CTPS1: variants seen among roughly 807,000 people sequenced by gnomAD.
The protein encoded by CTPS1 is CTP synthase 1, also known as CTP synthetase 1.
A neutral mutation model predicts 80.5 loss-of-function variants in CTPS1; 25 were observed. That is an observed-to-expected ratio of 0.31 (90% CI 0.23 to 0.43). The LOEUF is 0.43. Among genes scored for constraint, CTPS1 ranks in the 20% least tolerant of loss-of-function variants. The pLI, the probability that CTPS1 is intolerant of heterozygous loss-of-function variation, is 1.00. For synonymous variants in CTPS1, 267 were observed against 252.5 expected (o/e 1.06, Z -0.54); for missense variants, 442 against 725.7 (o/e 0.61, Z 4.49).
chr1:40,980,058 C>T (rs1651788851), intron 1 of CTPS1: 1 of 151,124 alleles, frequency 6.6e-6, no homozygotes, highest in Non-Finnish European at 1.5e-5. Flanking sequence ...GCCTCGTGGC[C>T]GGGCGGCGCT....
At chr1:40,993,211 G>T (rs964823931) in intron 7 of CTPS1, among the ~76,000 whole-genome samples, 1 of 151,298 alleles carries the variant, frequency 6.6e-6, no homozygotes, top group East Asian at 2.0e-4. Context: ...CCACGATGCC[G>T]AGCTAATTTT....
At chr1:41,003,029 A>C (rs1450443471) in intron 11 of CTPS1, 85 bp from the exon 12 acceptor site, 1 of 1,324,826 alleles carries the variant, frequency 7.5e-7, no homozygotes, top group Non-Finnish European at 1.1e-6. Context: ...AATAAAGGAC[A>C]CAAAGGCCAT....
chr1:41,010,264 A>G lies in CTPS1; in HGVS notation c.*9+10A>G, dbSNP rs771156684. The G allele has an allele frequency of 6.3e-7, 1 of 1,582,310 alleles. No homozygotes were observed. Among genetic ancestry groups the G allele is most frequent in the East Asian group, 2.2e-5 (1 of 44,692 alleles). Reference sequence around the variant, plus strand: ...TGACTGATCTTGTAGCGTAAGTGGTACTTTAAAGTTTTAGTTTTTAAAAAC... The same window carrying G: ...TGACTGATCTTGTAGCGTAAGTGGTGCTTTAAAGTTTTAGTTTTTAAAAAC... On this transcript the variant is annotated intron_variant, in intron 18 of 18. Coordinates refer to ENST00000650070, the MANE Select transcript of CTPS1 (RefSeq NM_001905.4).
At chr1:40,985,244 C>G (rs1318107424) in intron 3 of CTPS1, among the ~76,000 whole-genome samples, 2 of 152,222 alleles carry the variant, frequency 1.3e-5, no homozygotes, top group African/African-American at 2.4e-5. Flanking sequence ...TCTGCTAAGG[C>G]AGCATGATAC....
At chr1:41,008,295 T>C (rs1643085217) in intron 14 of CTPS1, among the ~76,000 whole-genome samples, 2 of 152,088 alleles carry the variant, frequency 1.3e-5, no homozygotes. Flanking sequence ...TCTGTGCAGC[T>C]CTTAAAATGC....
chr1:40,985,997 C>G (rs1642441341), intron 3 of CTPS1, among the ~76,000 whole-genome samples: 2 of 152,236 alleles, frequency 1.3e-5, no homozygotes, highest in Non-Finnish European at 2.9e-5. Context: ...TTACAGTTTG[C>G]TGTTTATTTA....
intron 3 of CTPS1, among the ~76,000 whole-genome samples, chr1:40,985,476 C>G (rs929737023): frequency 6.6e-6 from 1 of 152,222 alleles, no homozygotes; most frequent in South Asian, 2.1e-4. Context: ...TGGGTCCTCC[C>G]AAGCTTTCAC....
At position 41,007,302 on chromosome 1, in the gene CTPS1, A is replaced by C; in HGVS notation, c.1297-147A>C. ...AGGTTACAAATGCCAACTGGGAGGC[A>C]TTTTCTTCTGTGACAAAATGTCTCA... is the stretch of plus-strand genomic sequence containing the variant. On this transcript the variant is annotated intron_variant, in intron 13 of 18. Transcript: ENST00000650070. This position sits in a 1 kb window ranked among gnomAD's most constrained non-coding sequence, Gnocchi z 4.4. 1.5e-6 allele frequency: 1 copy of C among 689,536 alleles called. No individual in the cohort carries two copies. Among genetic ancestry groups the C allele is most frequent in the East Asian group, 2.7e-5 (1 of 36,366 alleles). 42.7% of individuals were successfully genotyped at this position (689,536 alleles called of 1,614,324 possible). A position where few individuals can be genotyped will look rare whatever the true frequency, so the allele number is the denominator to read the frequency against.
intron 7 of CTPS1, among the ~76,000 whole-genome samples, chr1:40,994,711 C>T (rs1168250312): frequency 6.6e-6 from 1 of 152,086 alleles, no homozygotes; most frequent in Non-Finnish European, 1.5e-5. Context: ...ATCTTCAGTA[C>T]ATCATTGAAT....
Position 41,010,193 on chromosome 1 carries a change from C to T in CTPS1, c.1724C>T (p.Ser575Phe). The T allele has an allele frequency of 6.2e-7, 1 of 1,613,954 alleles. No individual in the cohort carries two copies. The highest frequency in any genetic ancestry group is 8.5e-7 in the Non-Finnish European group (1 of 1,179,840). ...TATAGTGACAGGAGTGGAAGCAGCT[C>T]CCCTGACTCTGAAATCACCGAACTG... is the stretch of plus-strand genomic sequence containing the variant. Reference protein sequence around the residue: ...DTYSDRSGSSSPDSEITELKF... With the variant: ...DTYSDRSGSSFPDSEITELKF... The change falls in exon 18 of 19, where the codon TCC becomes TTC. Residue 575 changes from serine (S) to phenylalanine (F), a missense_variant. Around this residue, in one of 4 missense-constraint regions of CTPS1, gnomAD observed 321 missense variants for 467.2 expected, o/e 0.69. Transcript: ENST00000650070.
intron 10 of CTPS1, among the ~76,000 whole-genome samples, chr1:41,001,910 G>T (rs183239713): frequency 2.3e-4 from 35 of 152,316 alleles, no homozygotes; most frequent in Admixed American, 1.9e-3. Flanking sequence ...TAGTGCAGTG[G>T]CAGTATTACA....
At chr1:41,005,358 C>T (rs949243848) in intron 12 of CTPS1, among the ~76,000 whole-genome samples, 9 of 152,000 alleles carry the variant, frequency 5.9e-5, no homozygotes, top group Non-Finnish European at 1.3e-4. Flanking sequence ...ACAGGAGAAT[C>T]GCTTGAGACC....
chr1:40,987,326 T>C (rs1642481232), intron 3 of CTPS1, 46 bp from the exon 4 acceptor site: 2 of 1,378,024 alleles, frequency 1.5e-6, no homozygotes, highest in Non-Finnish European at 1.0e-6. Flanking sequence ...TCTCAATCAA[T>C]GTAGATGGAC....
In CTPS1 at chr1:40,996,259, C is replaced by G. The variant is rs1475305823; in HGVS notation, c.872+191C>G. ...GTAGCTGTGGCACAGATGAGGAGAT[C>G]CTGATAGGGCCAGGCCAGGTGCCGG... On this transcript the variant is annotated intron_variant, in intron 8 of 18. Transcript: ENST00000650070. 4.7e-6 allele frequency: 3 copies of G among 635,760 alleles called. No individual in the cohort carries two copies. In the African/African-American group the frequency reaches 5.5e-5, roughly 12 times the overall value. The allele number at this position is 635,760 out of a possible 1,614,324, so 39.4% of individuals were successfully genotyped here.
chr1:41,004,217 T>C (rs1451310224), intron 12 of CTPS1: 2 of 152,268 alleles, frequency 1.3e-5, no homozygotes, highest in African/African-American at 4.8e-5. Context: ...AAAGACCTTG[T>C]AAATTCTGTG....
intron 5 of CTPS1, among the ~76,000 whole-genome samples, chr1:40,990,095 A>G (rs570025040): frequency 6.6e-6 from 1 of 152,334 alleles, no homozygotes; most frequent in African/African-American, 2.4e-5. Flanking sequence ...TTGGAAATCA[A>G]GTTTATGGAA....
intron 1 of CTPS1, 88 bp from the exon 2 acceptor site, chr1:40,983,190 T>A (rs750051352): frequency 8.1e-6 from 9 of 1,110,794 alleles, no homozygotes; most frequent in Non-Finnish European, 1.2e-5. Flanking sequence ...GGTTCATAGC[T>A]AATAATTGGC....
intron 12 of CTPS1, 114 bp from the exon 13 acceptor site, chr1:41,005,937 G>A (rs1371735048): frequency 1.2e-6 from 1 of 832,960 alleles, no homozygotes; most frequent in East Asian, 2.5e-5. Flanking sequence ...TTTAGTTTTT[G>A]TTCTAATCAC....
intron 1 of CTPS1, chr1:40,980,145 A>G (rs1651798254): frequency 6.6e-6 from 1 of 151,206 alleles, no homozygotes; most frequent in Admixed American, 6.6e-5. Context: ...GCCGCGCCGA[A>G]TCAGCTCGGC....
Sources: allele counts gnomAD v4.1 joint callset (sites outside exome capture counted in the v4.1 genomes callset), GRCh38; gene constraint gnomAD v4.1.1; regional missense constraint gnomAD v4.1.1; non-coding constraint Gnocchi (gnomAD v3.1); transcripts MANE v1.5; gene names NCBI Gene and HGNC (gene_info 2026-07-23, HGNC 2026-07-21).